PLXNA1: variants seen among roughly 807,000 people sequenced by gnomAD.
PLXNA1 encodes plexin-A1.
In PLXNA1, 77 loss-of-function variants were observed where a neutral mutation model predicts 191.7. The observed-to-expected ratio is 0.40, with a 90% CI of 0.33 to 0.49. PLXNA1 has a LOEUF of 0.49. Ranked by LOEUF, PLXNA1 falls within the 20% of genes least tolerant of loss-of-function variation. The pLI is 0.63. For synonymous variants in PLXNA1, 1,137 were observed against 1,156.4 expected (o/e 0.98, Z 0.34); for missense variants, 2,110 against 2,660.2 (o/e 0.79, Z 4.55).
rs145634474 is a variant in PLXNA1 at position 127,007,526 on chromosome 3, C to T, written c.1998-273C>T. ...GTGATCAAGGCTCTGGAGGAAAAAG[C>T]GGCAAAGAGGATAGGGAGCCTGGGG... On this transcript the variant is annotated intron_variant, in intron 8 of 31. Coordinates refer to ENST00000393409, the MANE Select transcript of PLXNA1 (RefSeq NM_032242.4). 1.2e-3 allele frequency among the ~76,000 whole-genome samples: 180 copies of T among 152,184 alleles called. 1 individual carries two copies. The highest frequency in any genetic ancestry group is 4.1e-3 in the African/African-American group (170 of 41,526).
At chr3:127,003,268 G>A (rs1002648954) in intron 3 of PLXNA1, 62 bp from the exon 4 acceptor site, 1 of 1,495,348 alleles carries the variant, frequency 6.7e-7, no homozygotes, top group Non-Finnish European at 9.0e-7. Context: ...CCTTCTGTGG[G>A]GGGTGGGGCT....
intron 10 of PLXNA1, 87 bp from the exon 11 acceptor site, chr3:127,013,933 T>C (rs2079108062): frequency 8.3e-7 from 1 of 1,202,874 alleles, no homozygotes; most frequent in Non-Finnish European, 1.2e-6. Context: ...CCCCCTAAGC[T>C]GGCGCCCTGG....
At chr3:127,026,425 C>T (rs2079176661) in intron 23 of PLXNA1, 1 of 152,200 alleles carries the variant, frequency 6.6e-6, no homozygotes, top group South Asian at 2.1e-4. Flanking sequence ...CTGCACTGCC[C>T]TGACCTTCAG....
Position 127,036,291 on chromosome 3 carries a change from C to T in PLXNA1, c.*2274C>T, listed in dbSNP as rs3749395. The T allele has an allele frequency of 0.15, 23,617 of 152,714 alleles. 2,023 individuals carry two copies. The highest frequency in any genetic ancestry group is 0.33 in the East Asian group (1,706 of 5,172). 9.5% of individuals were successfully genotyped at this position (152,714 alleles called of 1,614,324 possible). A position where few individuals can be genotyped will look rare whatever the true frequency, so the allele number is the denominator to read the frequency against. On this transcript the variant is annotated 3_prime_UTR_variant, in exon 32 of 32. Coordinates refer to ENST00000393409, the MANE Select transcript of PLXNA1 (RefSeq NM_032242.4). Reference sequence around the variant, plus strand: ...GTTCCAACCCCCACTCTCCTTAGGCCTTGTGCTCTGCTCTGCCCTGCCAGG... The same window carrying T: ...GTTCCAACCCCCACTCTCCTTAGGCTTTGTGCTCTGCTCTGCCCTGCCAGG...
intron 31 of PLXNA1, 39 bp downstream of exon 31, chr3:127,032,875 C>T (rs746694887): frequency 1.3e-6 from 2 of 1,598,298 alleles, no homozygotes; most frequent in Non-Finnish European, 1.7e-6. Flanking sequence ...GCTAGGAGGG[C>T]TTGCCGGCCC....
intron 3 of PLXNA1, 92 bp downstream of exon 3, chr3:126,991,658 T>C: frequency 7.5e-7 from 1 of 1,331,242 alleles, no homozygotes; most frequent in South Asian, 1.5e-5. Flanking sequence ...TGCTGCTGTA[T>C]GCTGTGGGAG....
chr3:127,030,848 C>G (rs1189386630), intron 29 of PLXNA1, among the ~76,000 whole-genome samples: 2 of 152,202 alleles, frequency 1.3e-5, no homozygotes, highest in Non-Finnish European at 2.9e-5. Flanking sequence ...TGGGGCCAGG[C>G]CAGAGCCTGC....
In PLXNA1 at chr3:127,029,916, C is replaced by T. The variant is rs765359061; in HGVS notation, c.4913C>T (p.Ser1638Leu). Residue 1638 changes from serine (S) to leucine (L), a missense_variant, in exon 28 of 32, where the codon TCG (serine) becomes TTG (leucine). By Grantham distance (145) the Ser-to-Leu change is moderately radical (BLOSUM62 -2). Coordinates refer to ENST00000393409, the MANE Select transcript of PLXNA1 (RefSeq NM_032242.4). Reference protein sequence around the residue: ...RTASSPDSLRSRTPMITPDLE... With the variant: ...RTASSPDSLRLRTPMITPDLE... ...GCCAGCAGCCCCGACAGCCTGCGCT[C>T]GCGCACGCCCATGATCACGCCCGAC... The T allele has an allele frequency of 1.9e-6, 3 of 1,613,042 alleles. No homozygotes were observed. Among genetic ancestry groups the T allele is most frequent in the Admixed American group, 1.7e-5 (1 of 60,004 alleles).
At position 127,014,288 on chromosome 3, in the gene PLXNA1, G is replaced by C. The variant is rs1436271648; in HGVS notation, c.2517G>C (p.Leu839=). The C allele has an allele frequency of 6.3e-7, 1 of 1,596,220 alleles. No individual in the cohort carries two copies. The highest frequency in any genetic ancestry group is 8.5e-7 in the Non-Finnish European group (1 of 1,174,800). The change falls in exon 12 of 32, where the codon CTG becomes CTC. Residue 839 remains leucine, a synonymous_variant. Transcript: ENST00000393409. ...GWCVAERRCS[L]RHHCAADTPA... ...GCGTGGCCGAGCGCCGCTGCTCCCT[G>C]CGACACCACTGCGCTGCCGACACAC...
intron 29 of PLXNA1, 55 bp from the exon 30 acceptor site, chr3:127,032,332 C>T (rs1355867524): frequency 3.2e-6 from 5 of 1,553,894 alleles, no homozygotes; most frequent in Non-Finnish European, 4.4e-6. Flanking sequence ...CACAAGGTCA[C>T]TGCTCAGGAG....
At position 127,003,446 on chromosome 3, in the gene PLXNA1, C is replaced by T. The variant is rs938745012; in HGVS notation, c.1494C>T (p.Tyr498=). ...RDLVLSPNHQ[Y]LYAMTEKQVT... is the part of the protein sequence containing the mutation. ...TCGTCCTCAGCCCCAACCACCAGTA[C>T]CTCTACGCCATGACCGAGAAGCAGG... The change falls in exon 4 of 32, where the codon TAC becomes TAT. Residue 498 remains tyrosine, a synonymous_variant. Coordinates refer to ENST00000393409, the MANE Select transcript of PLXNA1 (RefSeq NM_032242.4). The T allele has an allele frequency of 6.2e-7, 1 of 1,610,838 alleles. No individual in the cohort carries two copies. Among genetic ancestry groups the T allele is most frequent in the Non-Finnish European group, 8.5e-7 (1 of 1,178,748 alleles).
intron 21 of PLXNA1, among the ~76,000 whole-genome samples, chr3:127,021,233 G>A (rs1478334664): frequency 1.3e-5 from 2 of 152,176 alleles, no homozygotes; most frequent in East Asian, 1.9e-4. Flanking sequence ...GCTGCCACAC[G>A]GGGCTACACA....
chr3:127,029,390 G>A (rs897133594), intron 26 of PLXNA1, 50 bp from the exon 27 acceptor site: 8 of 1,566,596 alleles, frequency 5.1e-6, no homozygotes, highest in Non-Finnish European at 7.0e-6. Flanking sequence ...GAGCCTGGTG[G>A]TGCAGGGGCA....
intron 3 of PLXNA1, among the ~76,000 whole-genome samples, chr3:126,995,199 C>T (rs1053899769): frequency 2.0e-5 from 3 of 152,172 alleles, no homozygotes; most frequent in Non-Finnish European, 4.4e-5. Flanking sequence ...CCCTGTCCCC[C>T]CTCCTTTCAC....
intron 3 of PLXNA1, among the ~76,000 whole-genome samples, chr3:127,002,300 G>A (rs532176030): frequency 6.8e-4 from 103 of 152,350 alleles, no homozygotes; most frequent in Non-Finnish European, 1.3e-3. Context: ...GATGTGGGGG[G>A]TGGCCGGCGG....
rs543211245 is a variant in PLXNA1, at chr3:126,991,134, T to C, written c.1195-250T>C. Among the ~76,000 whole-genome samples the C allele has an allele frequency of 3.3e-5, 5 of 152,344 alleles. No individual in the cohort carries two copies. The South Asian group carries it at 1.0e-3, about 32-fold the overall frequency. On this transcript the variant is annotated intron_variant, in intron 2 of 31. Transcript: ENST00000393409. The stretch of plus-strand genomic sequence containing the variant: ...CGGTGGAGCAGCGCCCCCTCCACAC[T>C]GGCCCCCAGCTGCTCCGGAACCTCA...
chr3:127,025,330 C>G (rs2079171838), intron 23 of PLXNA1, among the ~76,000 whole-genome samples: 2 of 152,172 alleles, frequency 1.3e-5, no homozygotes, highest in African/African-American at 4.8e-5. Flanking sequence ...TTACCGTAGC[C>G]TTTTCAAACT....
At position 127,015,317 on chromosome 3, in the gene PLXNA1, C is replaced by T. The variant is rs768071732; in HGVS notation, c.3011C>T (p.Ser1004Phe). The change falls in exon 15 of 32, where the codon TCC becomes TTC. Residue 1004 changes from serine (S) to phenylalanine (F), a missense_variant. Ser to Phe is a radical substitution (Grantham distance 155, BLOSUM62 -2). Transcript: ENST00000393409. ...GTCGGTGGCCGGCCCTGCTCCTTCT[C>T]CTGGTACGGGGTGCAGGTGGGGGTG... The part of the protein sequence containing the change: ...VSVGGRPCSF[S>F]WRNSREIRCL... The T allele has an allele frequency of 1.9e-6, 3 of 1,604,248 alleles. No homozygotes were observed. Among genetic ancestry groups the T allele is most frequent in the Admixed American group, 1.7e-5 (1 of 59,542 alleles).
In PLXNA1 at chr3:127,025,977, A is replaced by G. The variant is rs181684515; in HGVS notation, c.4363-1963A>G. 5.3e-5 allele frequency among the ~76,000 whole-genome samples: 8 copies of G among 152,296 alleles called. No individual in the cohort carries two copies. The East Asian group carries it at 1.5e-3, about 29-fold the overall frequency. On this transcript the variant is annotated intron_variant, in intron 23 of 31. Coordinates refer to ENST00000393409, the MANE Select transcript of PLXNA1 (RefSeq NM_032242.4). ...CATGCCATTTTAGCACATGTAAACA[A>G]CCTGGAAGGGAGGATGGAGAAGTGC...
Sources: gnomAD v4.1 joint callset for allele counts (sites outside exome capture counted in the v4.1 genomes callset) on GRCh38, gnomAD v4.1.1 for gene constraint, MANE v1.5 for transcripts, NCBI Gene and HGNC (gene_info 2026-07-23, HGNC 2026-07-21) for gene names.